The following ETS2 variants were observed in gnomAD, a reference collection of about 807,000 sequenced individuals.
ETS2 encodes ETS proto-oncogene 2, transcription factor, also known as protein C-ets-2.
Under a neutral mutation model 54.9 loss-of-function variants are expected in ETS2, and 19 were observed. The observed-to-expected ratio is 0.35, with a 90% CI of 0.24 to 0.51. ETS2 has a LOEUF of 0.51. ETS2 is among the 20% of genes least tolerant of loss of function. The pLI, the probability that ETS2 is intolerant of heterozygous loss-of-function variation, is 0.97. For synonymous variants in ETS2, 219 were observed against 229.3 expected (o/e 0.95, Z 0.41); for missense variants, 417 against 593.0 (o/e 0.70, Z 3.08).
In ETS2 at chr21:38,819,510, C is replaced by T. The variant is rs879463302; in HGVS notation, c.819C>T (p.Pro273=). The part of the protein sequence containing the change: ...LNLLTNNSGT[P]KDHDSPENGA... ...TTTGGTTGTCTTTGCCAGGGACTCCCAAAGACCACGACTCCCCTGAGAACG... is the reference window on the plus strand; with the variant it reads ...TTTGGTTGTCTTTGCCAGGGACTCCTAAAGACCACGACTCCCCTGAGAACG... Residue 273 remains proline (P), a synonymous_variant, in exon 8 of 10, where the codon CCC becomes CCT. Coordinates refer to ENST00000360938, the MANE Select transcript of ETS2 (RefSeq NM_005239.6). The T allele has an allele frequency of 1.9e-6, 3 of 1,613,650 alleles. No homozygotes were observed. The Admixed American group carries it at 5.0e-5, about 27-fold the overall frequency.
At position 38,823,236 on chromosome 21, in the gene ETS2, T is replaced by G. The variant is rs2060965783; in HGVS notation, c.*347T>G. The G allele has an allele frequency of 1.1e-5, 2 of 184,842 alleles. No homozygotes were observed. Among genetic ancestry groups the G allele is most frequent in the Non-Finnish European group, 2.2e-5 (2 of 90,156 alleles). The allele number at this position is 184,842 out of a possible 1,614,324, so 11.5% of individuals were successfully genotyped here. A position where few individuals can be genotyped will look rare whatever the true frequency, so the allele number is the denominator to read the frequency against. On this transcript the variant is annotated 3_prime_UTR_variant, in exon 10 of 10. Coordinates refer to ENST00000360938, the MANE Select transcript of ETS2 (RefSeq NM_005239.6). Reference sequence around the variant, plus strand: ...TGTCGTGGACACACACAGACTATTTTTAGATTTTCTTTTGCCTTTTGCAAC... The same window carrying G: ...TGTCGTGGACACACACAGACTATTTGTAGATTTTCTTTTGCCTTTTGCAAC...
upstream of ETS2, chr21:38,805,808 C>T: frequency 3.5e-6 from 3 of 868,000 alleles, no homozygotes; most frequent in Non-Finnish European, 4.5e-6. This position sits in a 1 kb window ranked among gnomAD's most constrained non-coding sequence, Gnocchi z 5.2. Flanking sequence ...CCCCTTCCCT[C>T]CCCTCTCTCT....
chr21:38,811,201 G>A (rs1601425685), intron 2 of ETS2, among the ~76,000 whole-genome samples: 1 of 147,292 alleles, frequency 6.8e-6, no homozygotes, highest in Non-Finnish European at 1.5e-5. Context: ...AAAAAAAAAA[G>A]AATTTACGGT....
At chr21:38,809,325 A>G (rs1262390630) in intron 1 of ETS2, among the ~76,000 whole-genome samples, 1 of 152,218 alleles carries the variant, frequency 6.6e-6, no homozygotes, top group Non-Finnish European at 1.5e-5. Flanking sequence ...ATTAAGACTC[A>G]GTCAGAGGAA....
chr21:38,810,125 ATTTTT>A lies in ETS2; in HGVS notation c.72+26_72+30del. The stretch of plus-strand genomic sequence containing the variant: ...ACTCAAGGTGAGTGGGCAAGTCTTA[ATTTTT>A]TTTTTTAATTGGAAAACTCGATCTC... On this transcript the variant is annotated intron_variant, in intron 2 of 9. Transcript: ENST00000360938. The A allele has an allele frequency of 7.8e-7, 1 of 1,278,194 alleles. No individual in the cohort carries two copies. Among genetic ancestry groups the A allele is most frequent in the Non-Finnish European group, 1.0e-6 (1 of 957,320 alleles). 79.2% of individuals were successfully genotyped at this position (1,278,194 alleles called of 1,614,324 possible).
intron 5 of ETS2, among the ~76,000 whole-genome samples, chr21:38,815,864 C>T (rs1047525596): frequency 3.0e-4 from 45 of 148,476 alleles, no homozygotes; most frequent in African/African-American, 1.0e-3. Flanking sequence ...CCCTTGAGCC[C>T]GGGAGGCAGA....
In ETS2 at chr21:38,814,123, T is replaced by G. The variant is rs1569022922; in HGVS notation, c.185-150T>G. On this transcript the variant is annotated intron_variant, in intron 3 of 9. Transcript: ENST00000360938. The surrounding 1 kb of genome is among the most constrained non-coding windows in gnomAD (Gnocchi z 4.2). ...TTTTCTCAATTATAGTCAGAAAAGT[T>G]TTTTGTTAATAGTTACACTGTTTTA... 1 of 718,740 alleles carries G rather than the reference T, an allele frequency of 1.4e-6. No homozygotes were observed. The highest frequency in any genetic ancestry group is 1.8e-5 in the African/African-American group (1 of 56,366). The allele number at this position is 718,740 out of a possible 1,614,324, so 44.5% of individuals were successfully genotyped here.
intron 9 of ETS2, among the ~76,000 whole-genome samples, chr21:38,822,204 G>A (rs2060961055): frequency 6.6e-6 from 1 of 152,214 alleles, no homozygotes; most frequent in Non-Finnish European, 1.5e-5. Flanking sequence ...AGAAGCCCTT[G>A]GTCTCTGGCA....
intron 1 of ETS2, chr21:38,809,538 G>C (rs2060906071): frequency 6.5e-6 from 1 of 153,064 alleles, no homozygotes; most frequent in African/African-American, 2.4e-5. Flanking sequence ...GGAAGAGAGG[G>C]GGCTTCCTGG....
chr21:38,822,792 A>G lies in ETS2; in HGVS notation c.1313A>G (p.Tyr438Cys). 6.2e-7 allele frequency: 1 copy of G among 1,614,160 alleles called. No individual in the cohort carries two copies. The highest frequency in any genetic ancestry group is 8.5e-7 in the Non-Finnish European group (1 of 1,180,014). Residue 438 changes from tyrosine to cysteine, a missense_variant, in exon 10 of 10, where the codon TAC becomes TGC. By Grantham distance (194) the Tyr-to-Cys change is radical. Coordinates refer to ENST00000360938, the MANE Select transcript of ETS2 (RefSeq NM_005239.6). The part of the protein sequence containing the change: ...NIIHKTSGKR[Y>C]VYRFVCDLQN... ...ATCCACAAGACGTCGGGGAAGCGCTACGTGTACCGCTTCGTGTGCGACCTC... is the reference window on the plus strand; with the variant it reads ...ATCCACAAGACGTCGGGGAAGCGCTGCGTGTACCGCTTCGTGTGCGACCTC...
At chr21:38,813,800 G>A (rs1218923579) in intron 3 of ETS2, among the ~76,000 whole-genome samples, 1 of 152,200 alleles carries the variant, frequency 6.6e-6, no homozygotes, top group Non-Finnish European at 1.5e-5. Context: ...AGGGTGTCTG[G>A]AGAAGATTGT....
At chr21:38,822,349 C>G (rs1280505650) in intron 9 of ETS2, among the ~76,000 whole-genome samples, 1 of 152,204 alleles carries the variant, frequency 6.6e-6, no homozygotes, top group Non-Finnish European at 1.5e-5. Context: ...AATATCCAGC[C>G]TGGAGGGTGG....
At chr21:38,818,015 A>C (rs2060942064) in intron 6 of ETS2, among the ~76,000 whole-genome samples, 1 of 152,200 alleles carries the variant, frequency 6.6e-6, no homozygotes, top group Non-Finnish European at 1.5e-5. Context: ...CAGAAAGCAG[A>C]GTGGGCTGTG....
chr21:38,819,246 C>A (rs931008185), intron 7 of ETS2, among the ~76,000 whole-genome samples: 1 of 152,162 alleles, frequency 6.6e-6, no homozygotes, highest in East Asian at 1.9e-4. Context: ...ATGTAGCAGC[C>A]ATGTGTTCTT....
At chr21:38,817,911 C>T (rs1300973236) in intron 6 of ETS2, among the ~76,000 whole-genome samples, 1 of 152,180 alleles carries the variant, frequency 6.6e-6, no homozygotes, top group African/African-American at 2.4e-5. Flanking sequence ...CCTGTGCCTG[C>T]CTGAACCTGA....
At chr21:38,820,705 T>TC (rs1435266503) in intron 8 of ETS2, among the ~76,000 whole-genome samples, 1 of 152,346 alleles carries the variant, frequency 6.6e-6, no homozygotes, top group East Asian at 1.9e-4. Context: ...CAGACAGCTA[T>TC]CGGTGCTCAC....
chr21:38,812,959 G>T (rs368890928), intron 2 of ETS2, 44 bp from the exon 3 acceptor site: 120 of 1,342,554 alleles, frequency 8.9e-5, no homozygotes, highest in Non-Finnish European at 1.3e-4. Flanking sequence ...AATTCAATCA[G>T]TTTAAATATT....
In ETS2 at chr21:38,822,878, A is replaced by G; in HGVS notation, c.1399A>G (p.Thr467Ala). The G allele has an allele frequency of 6.3e-7, 1 of 1,583,880 alleles. No individual in the cohort carries two copies. Among genetic ancestry groups the G allele is most frequent in the East Asian group, 2.3e-5 (1 of 44,434 alleles). The change falls in exon 10 of 10, where the codon ACG (threonine) becomes GCG (alanine). Residue 467 changes from threonine (T) to alanine (A), a missense_variant. By Grantham distance (58) the Thr-to-Ala change is moderately conservative (BLOSUM62 0). Around this residue, in one of 3 missense-constraint regions of ETS2, gnomAD observed 31 missense variants for 32.8 expected, o/e 0.95. Transcript: ENST00000360938. ...CGCCATCCTGGGCGTCCAGCCCGAC[A>G]CGGAGGACTGAGGTCGCCGGGACCA... ...LHAILGVQPD[T>A]ED
intron 1 of ETS2, among the ~76,000 whole-genome samples, chr21:38,808,059 C>G (rs1183910895): frequency 1.3e-5 from 2 of 152,174 alleles, no homozygotes; most frequent in African/African-American, 4.8e-5. Context: ...GTCCATTCCT[C>G]ATCATTCATG....
Sources: allele counts gnomAD v4.1 joint callset (sites outside exome capture counted in the v4.1 genomes callset), GRCh38; gene constraint gnomAD v4.1.1; regional missense constraint gnomAD v4.1.1; non-coding constraint Gnocchi (gnomAD v3.1); transcripts MANE v1.5; gene names NCBI Gene and HGNC (gene_info 2026-07-23, HGNC 2026-07-21).